The following NCKAP5 variants were observed in gnomAD, a reference collection of about 807,000 sequenced individuals.
NCKAP5 encodes NCK associated protein 5, also known as nck-associated protein 5.
A neutral mutation model predicts 167.0 loss-of-function variants in NCKAP5; 92 were observed. The observed-to-expected ratio is 0.55, with a 90% confidence interval of 0.47 to 0.66. The LOEUF (loss-of-function observed/expected upper bound fraction) is 0.66. Among genes scored for constraint, NCKAP5 ranks in the 30% least tolerant of loss-of-function variants. The pLI is 0.00. For missense variants in NCKAP5, 2,378 were observed against 2,315.0 expected, an observed-to-expected ratio of 1.03 and a Z score of -0.56; for synonymous variants, 891 against 877.4, an observed-to-expected ratio of 1.02 and a Z score of -0.27.
At chr2:133,181,641 G>A (rs1213470728) in intron 5 of NCKAP5, among the ~76,000 whole-genome samples, 1 of 144,434 alleles carries the variant, frequency 6.9e-6, no homozygotes, top group Admixed American at 6.9e-5. Context: ...AGCCAGGCAT[G>A]GTGGTTCATG....
the NCKAP5 span, among the ~76,000 whole-genome samples, chr2:133,657,498 G>C: frequency 1.3e-5 from 2 of 152,262 alleles, no homozygotes; most frequent in East Asian, 3.9e-4. Context: ...CTCTCCTCCT[G>C]TTCCTTAGGA....
At chr2:133,114,731 G>T (rs951017093) in intron 6 of NCKAP5, among the ~76,000 whole-genome samples, 25 of 151,668 alleles carry the variant, frequency 1.6e-4, no homozygotes, top group Non-Finnish European at 2.9e-4. Flanking sequence ...CATTTGTTCC[G>T]TAGAATTTCC....
intron 13 of NCKAP5, among the ~76,000 whole-genome samples, chr2:132,788,817 T>C (rs1683811171): frequency 6.6e-6 from 1 of 152,120 alleles, no homozygotes; most frequent in South Asian, 2.1e-4. Flanking sequence ...ATGATACAAG[T>C]TTATTATGTA....
At chr2:132,878,417 T>C (rs1691460849) in intron 9 of NCKAP5, among the ~76,000 whole-genome samples, 1 of 152,112 alleles carries the variant, frequency 6.6e-6, no homozygotes, top group African/African-American at 2.4e-5. Context: ...CTATCAAGGA[T>C]TTGCTTTTTC....
At chr2:133,633,137 A>G in the NCKAP5 span, among the ~76,000 whole-genome samples, 2 of 152,216 alleles carry the variant, frequency 1.3e-5, no homozygotes, top group African/African-American at 2.4e-5. Context: ...AGATGACACA[A>G]GAAGAGGGGG....
chr2:132,699,391 A>G (rs1687661281), intron 19 of NCKAP5, among the ~76,000 whole-genome samples: 1 of 152,186 alleles, frequency 6.6e-6, no homozygotes, highest in Non-Finnish European at 1.5e-5. Context: ...CAGGTTTGTT[A>G]CACATGTATA....
chr2:133,411,057 G>A (rs1688741498), intron 3 of NCKAP5, among the ~76,000 whole-genome samples: 1 of 152,200 alleles, frequency 6.6e-6, no homozygotes, highest in Non-Finnish European at 1.5e-5. Flanking sequence ...TGCCACACCA[G>A]TAACTAGCTG....
chr2:132,979,240 T>C (rs1473958341), intron 7 of NCKAP5, among the ~76,000 whole-genome samples: 1 of 152,224 alleles, frequency 6.6e-6, no homozygotes, highest in Non-Finnish European at 1.5e-5. Flanking sequence ...TTTAGAGTCC[T>C]GTCTTTTTTT....
chr2:132,958,205 T>C (rs943033972), intron 8 of NCKAP5, among the ~76,000 whole-genome samples: 2 of 152,164 alleles, frequency 1.3e-5, no homozygotes, highest in African/African-American at 4.8e-5. Context: ...AGAACAGTGT[T>C]TGGGATATAC....
At chr2:132,843,384 G>C (rs1688434260) in intron 11 of NCKAP5, among the ~76,000 whole-genome samples, 1 of 151,922 alleles carries the variant, frequency 6.6e-6, no homozygotes, top group East Asian at 1.9e-4. Context: ...GGTTTTTGGT[G>C]TATACAATTT....
At chr2:133,058,306 T>G (rs1291257581) in intron 6 of NCKAP5, among the ~76,000 whole-genome samples, 1 of 152,186 alleles carries the variant, frequency 6.6e-6, no homozygotes, top group Non-Finnish European at 1.5e-5. Context: ...TAAGAAATAT[T>G]TTTTATAAGG....
intron 6 of NCKAP5, among the ~76,000 whole-genome samples, chr2:133,091,666 C>A (rs7568126): frequency 1.3e-5 from 2 of 151,994 alleles, no homozygotes; most frequent in African/African-American, 4.8e-5. Context: ...GGTGGGCAGA[C>A]CACGAGGTCA....
chr2:132,698,953 G>A (rs1053969781), intron 19 of NCKAP5, among the ~76,000 whole-genome samples: 2 of 152,184 alleles, frequency 1.3e-5, no homozygotes, highest in African/African-American at 2.4e-5. Flanking sequence ...AAGCCTTCCA[G>A]GTAATTCTGA....
intron 11 of NCKAP5, among the ~76,000 whole-genome samples, chr2:132,846,216 G>T (rs1688651008): frequency 6.6e-6 from 1 of 152,094 alleles, no homozygotes; most frequent in Non-Finnish European, 1.5e-5. Context: ...TTATTCATCA[G>T]TAATAAGTAT....
At chr2:132,960,319 G>T (rs2076474151) in intron 8 of NCKAP5, among the ~76,000 whole-genome samples, 1 of 152,170 alleles carries the variant, frequency 6.6e-6, no homozygotes, top group South Asian at 2.1e-4. Flanking sequence ...ACAGAACTTG[G>T]CTGTGGGAGA....
intron 8 of NCKAP5, among the ~76,000 whole-genome samples, chr2:132,883,889 A>G (rs1434089646): frequency 2.0e-5 from 3 of 152,214 alleles, no homozygotes; most frequent in African/African-American, 2.4e-5. Context: ...TTTCAACTGT[A>G]GGCTAGTTTG....
At chr2:133,176,147 A>C (rs1210870715) in intron 5 of NCKAP5, among the ~76,000 whole-genome samples, 1 of 152,218 alleles carries the variant, frequency 6.6e-6, no homozygotes, top group Non-Finnish European at 1.5e-5. Flanking sequence ...GGAATAGGCC[A>C]CTGTGACAAG....
intron 7 of NCKAP5, among the ~76,000 whole-genome samples, chr2:132,976,129 A>G (rs2076970415): frequency 6.6e-6 from 1 of 152,226 alleles, no homozygotes; most frequent in South Asian, 2.1e-4. Flanking sequence ...AGCCAGGTAC[A>G]GAAAGACAAA....
chr2:133,045,895 A>G (rs114842227), intron 6 of NCKAP5, among the ~76,000 whole-genome samples: 2,060 of 152,294 alleles, frequency 0.014, 48 homozygotes, highest in African/African-American at 0.048. Flanking sequence ...GTGTTAGGCC[A>G]CTATCAACCT....
Sources: allele counts gnomAD v4.1 joint callset (sites outside exome capture counted in the v4.1 genomes callset), GRCh38; gene constraint gnomAD v4.1.1; transcripts MANE v1.5; gene names NCBI Gene and HGNC (gene_info 2026-07-23, HGNC 2026-07-21).